MANBA: variants seen among roughly 807,000 people sequenced by gnomAD.
The protein encoded by MANBA is mannosidase beta.
A neutral mutation model predicts 111.1 loss-of-function variants in MANBA; 83 were observed. The ratio of observed to expected loss-of-function variants is 0.75; its 90% CI spans 0.63 to 0.90. The LOEUF is 0.90. MANBA is among the 40% of genes least tolerant of loss of function. The probability of loss-of-function intolerance (pLI) is 0.00; values close to 1 mark genes in which losing one functional copy is unlikely to be tolerated. For synonymous variants in MANBA, 370 were observed against 378.7 expected, an observed-to-expected ratio of 0.98 and a Z score of 0.27; for missense variants, 1,036 against 1,069.0, an observed-to-expected ratio of 0.97 and a Z score of 0.43.
intron 1 of MANBA, among the ~76,000 whole-genome samples, chr4:102,740,898 A>G (rs749659364): frequency 2.0e-5 from 3 of 152,114 alleles, no homozygotes; most frequent in Non-Finnish European, 2.9e-5. Context: ...TTAGGCAAAG[A>G]CTTCCTAAGA....
chr4:102,694,431 C>T (rs959734700), intron 5 of MANBA, among the ~76,000 whole-genome samples: 5 of 152,164 alleles, frequency 3.3e-5, no homozygotes, highest in African/African-American at 1.2e-4. Context: ...CTCCTTTTCA[C>T]TTGCTAAATT....
rs188762426 is a variant in MANBA at position 102,743,724 on chromosome 4, G to A, written c.177+16994C>T. ...CACAACCTACTTTATGGCTAGATGG[G>A]TCAGAAAGCACCCACTTCATGATAG... On this transcript the variant is annotated intron_variant, in intron 1 of 16. Transcript: ENST00000647097. 6.4e-3 allele frequency among the ~76,000 whole-genome samples: 979 copies of A among 152,250 alleles called. 8 individuals are homozygous for A. Among genetic ancestry groups the A allele is most frequent in the Non-Finnish European group, 9.0e-3 (612 of 68,010 alleles).
chr4:102,751,844 CA>C (rs898743675), intron 1 of MANBA: 466 of 487,202 alleles, frequency 9.6e-4, no homozygotes, highest in Middle Eastern at 1.2e-3. Context: ...TGGCCTGGGC[CA>C]AAAAAAAAGA....
chr4:102,632,124 C>A lies in MANBA; in HGVS notation c.2573G>T (p.Trp858Leu), dbSNP rs1377084895. Reference protein sequence around the residue: ...EKTRTILFYPWEPTSKNELEQ... With the variant: ...EKTRTILFYPLEPTSKNELEQ... The stretch of plus-strand genomic sequence containing the variant: ...CAACTCATTCTTGCTGGTGGGCTCC[C>A]AAGGGTAAAATAATATAGTTCGTGT... The change falls in exon 17 of 17, where the codon TGG becomes TTG. Residue 858 changes from tryptophan (W) to leucine (L), a missense_variant. Trp to Leu is a moderately conservative substitution (Grantham distance 61). Transcript: ENST00000647097. The A allele has an allele frequency of 1.2e-6, 2 of 1,613,242 alleles. No homozygotes were observed. The highest frequency in any genetic ancestry group is 2.7e-5 in the African/African-American group (2 of 75,014).
At chr4:102,660,102 C>T (rs1730862610) in intron 11 of MANBA, among the ~76,000 whole-genome samples, 1 of 152,180 alleles carries the variant, frequency 6.6e-6, no homozygotes, top group African/African-American at 2.4e-5. Flanking sequence ...GTCTTGCCAA[C>T]ATCGCAAATC....
chr4:102,679,337 A>G (rs1454769403), intron 7 of MANBA, among the ~76,000 whole-genome samples: 1 of 152,102 alleles, frequency 6.6e-6, no homozygotes, highest in Non-Finnish European at 1.5e-5. Context: ...TCCATATGAC[A>G]AAGTTATTTT....
Position 102,690,703 on chromosome 4 carries a change from C to T in MANBA, c.742G>A (p.Gly248Ser). 6.2e-7 allele frequency: 1 copy of T among 1,608,960 alleles called. No homozygotes were observed. Among genetic ancestry groups the T allele is most frequent in the South Asian group, 1.1e-5 (1 of 90,610 alleles). The change falls in exon 6 of 17, where the codon GGT becomes AGT. Residue 248 changes from glycine (G) to serine (S), a missense_variant. Transcript: ENST00000647097. ...TFDVVSSKPVGGQVIVAIPKL... is the reference protein window; with the variant it reads ...TFDVVSSKPVSGQVIVAIPKL... ...GGGATGGCTACGATCACTTGACCAC[C>T]AACTGGCTTTGAGCTGACAACATCA...
intron 1 of MANBA, chr4:102,730,271 A>T (rs939473127): frequency 7.2e-6 from 4 of 554,990 alleles, no homozygotes; most frequent in Admixed American, 6.5e-5. Flanking sequence ...TTTACCACAT[A>T]TCGTCTCATG....
At chr4:102,746,481 T>C (rs944931475) in intron 1 of MANBA, among the ~76,000 whole-genome samples, 1 of 152,200 alleles carries the variant, frequency 6.6e-6, no homozygotes, top group Non-Finnish European at 1.5e-5. Context: ...CATCACTTTG[T>C]CCAGTGAACG....
chr4:102,647,543 T>C (rs918598473), intron 13 of MANBA, among the ~76,000 whole-genome samples: 1 of 151,758 alleles, frequency 6.6e-6, no homozygotes, highest in African/African-American at 2.4e-5. Flanking sequence ...TAAAAAACAA[T>C]AGCAGAAAAG....
chr4:102,756,691 T>C (rs978940240), intron 1 of MANBA, among the ~76,000 whole-genome samples: 6 of 149,006 alleles, frequency 4.0e-5, no homozygotes, highest in African/African-American at 1.5e-4. Flanking sequence ...GGGGCATTAG[T>C]CACATGAACA....
chr4:102,728,553 C>T (rs949106281), intron 1 of MANBA: 10 of 380,128 alleles, frequency 2.6e-5, no homozygotes, highest in Non-Finnish European at 4.4e-5. Context: ...TTATTTTGGA[C>T]CAAAAAAAAA....
chr4:102,715,707 T>G (rs1230225103), intron 4 of MANBA, among the ~76,000 whole-genome samples: 1 of 152,232 alleles, frequency 6.6e-6, no homozygotes, highest in Admixed American at 6.5e-5. Flanking sequence ...CCATGTGTTC[T>G]CATCAATAAA....
intron 13 of MANBA, among the ~76,000 whole-genome samples, chr4:102,646,804 T>C (rs1730124164): frequency 6.6e-6 from 1 of 152,028 alleles, no homozygotes; most frequent in Admixed American, 6.6e-5. Context: ...AAGGCAAGAT[T>C]ATCCTGGAAT....
intron 10 of MANBA, chr4:102,668,144 A>G (rs1443252364): frequency 6.6e-6 from 1 of 152,228 alleles, no homozygotes; most frequent in Non-Finnish European, 1.5e-5. Context: ...GAGAGGAAAT[A>G]TAATGCAATC....
chr4:102,649,019 C>A (rs1730217216), intron 13 of MANBA, among the ~76,000 whole-genome samples: 1 of 151,812 alleles, frequency 6.6e-6, no homozygotes, highest in Non-Finnish European at 1.5e-5. Context: ...CCTTTTATGT[C>A]TGGTTTCTTT....
intron 13 of MANBA, among the ~76,000 whole-genome samples, chr4:102,641,970 C>A (rs1249124375): frequency 6.6e-6 from 1 of 151,596 alleles, no homozygotes; most frequent in Non-Finnish European, 1.5e-5. Flanking sequence ...CAGGCTCTGG[C>A]ACAGTGCAGT....
At chr4:102,663,196 T>C (rs1731049478) in intron 11 of MANBA, 1 of 152,140 alleles carries the variant, frequency 6.6e-6, no homozygotes, top group African/African-American at 2.4e-5. Context: ...AAAGTTACTA[T>C]GCGTCAGACT....
chr4:102,737,815 C>A (rs145652998), intron 1 of MANBA, among the ~76,000 whole-genome samples: 2 of 152,260 alleles, frequency 1.3e-5, no homozygotes, highest in South Asian at 2.1e-4. Context: ...TTTTCCCTAG[C>A]GAACTGTATG....
Sources: gnomAD v4.1 joint callset for allele counts (sites outside exome capture counted in the v4.1 genomes callset) on GRCh38, gnomAD v4.1.1 for gene constraint, MANE v1.5 for transcripts, NCBI Gene and HGNC (gene_info 2026-07-23, HGNC 2026-07-21) for gene names.